ZYG11A: variants seen among roughly 807,000 people sequenced by gnomAD.
ZYG11A encodes the protein zyg-11 family member A, cell cycle regulator, also known as protein zyg-11 homolog A.
A neutral mutation model predicts 77.2 loss-of-function variants in ZYG11A; 62 were observed. The ratio of observed to expected loss-of-function variants is 0.80; its 90% CI spans 0.65 to 0.99. The LOEUF (loss-of-function observed/expected upper bound fraction) is 0.99, where lower values mean the gene tolerates loss of function less well. Among genes scored for constraint, ZYG11A ranks in the 50% least tolerant of loss-of-function variants. The pLI, the probability that ZYG11A is intolerant of heterozygous loss-of-function variation, is 0.00. For synonymous variants in ZYG11A, 315 were observed against 324.6 expected, an observed-to-expected ratio of 0.97 and a Z score of 0.32; for missense variants, 828 against 896.8, an observed-to-expected ratio of 0.92 and a Z score of 0.98.
chr1:52,859,741 G>T (rs1645891109), intron 3 of ZYG11A, among the ~76,000 whole-genome samples: 1 of 118,218 alleles, frequency 8.5e-6, no homozygotes. Flanking sequence ...GCAGTGGTGT[G>T]ATCTCGGCTC....
intron 1 of ZYG11A, among the ~76,000 whole-genome samples, chr1:52,849,920 G>A (rs1383353955): frequency 2.0e-5 from 3 of 151,952 alleles, no homozygotes; most frequent in East Asian, 1.9e-4. Context: ...TGCCGACCTC[G>A]TGATCCGCCC....
intron 1 of ZYG11A, among the ~76,000 whole-genome samples, chr1:52,845,151 C>T (rs1342073765): frequency 1.3e-5 from 2 of 152,034 alleles, no homozygotes; most frequent in African/African-American, 2.4e-5. Flanking sequence ...AAATGTCCAT[C>T]TTGATCTCTA....
chr1:52,857,470 G>A lies in ZYG11A; in HGVS notation c.729G>A (p.Met243Ile), dbSNP rs1645835915. 2 of 1,552,060 alleles carry A rather than the reference G, an allele frequency of 1.3e-6. No homozygotes were observed. The highest frequency in any genetic ancestry group is 1.7e-6 in the Non-Finnish European group (2 of 1,147,116). ...LTMHYLKCLA[M>I]TKSQILAVIR... ...TGCACTATCTGAAATGCCTGGCCAT[G>A]ACCAAATCACAAATTCTTGCAGTCA... The change falls in exon 3 of 14, where the codon ATG (methionine) becomes ATA (isoleucine). Residue 243 changes from methionine to isoleucine, a missense_variant. By Grantham distance (10) the Met-to-Ile change is conservative. Transcript: ENST00000371528.
chr1:52,843,591 A>G (rs1008440406), intron 1 of ZYG11A, among the ~76,000 whole-genome samples: 1 of 152,062 alleles, frequency 6.6e-6, no homozygotes, highest in African/African-American at 2.4e-5. Context: ...GCCTTTGCCG[A>G]ATGCCTGTTA....
chr1:52,860,982 C>A, intron 4 of ZYG11A, 111 bp downstream of exon 4: 1 of 1,066,934 alleles, frequency 9.4e-7, no homozygotes, highest in Non-Finnish European at 1.3e-6. Flanking sequence ...TATAGTGAGT[C>A]AAGTGCTCTC....
Position 52,842,764 on chromosome 1 carries a change from G to T in ZYG11A, c.-120G>T. The T allele has an allele frequency of 2.1e-6, 2 of 958,596 alleles. No individual in the cohort carries two copies. The highest frequency in any genetic ancestry group is 3.1e-6 in the Non-Finnish European group (2 of 652,060). 59.4% of individuals were successfully genotyped at this position (958,596 alleles called of 1,614,324 possible). A position where few individuals can be genotyped will look rare whatever the true frequency, so the allele number is the denominator to read the frequency against. On this transcript the variant is annotated 5_prime_UTR_variant, in exon 1 of 14. Transcript: ENST00000371528. ...AGCTCGCCGGCAGGGCGCGGCGCTA[G>T]CTCCGTGTGCCTCGCAGGCGTGGTG...
chr1:52,860,821 C>T lies in ZYG11A; in HGVS notation c.1099C>T (p.Leu367=). 1 of 1,551,624 alleles carries T rather than the reference C, an allele frequency of 6.4e-7. No individual in the cohort carries two copies. The highest frequency in any genetic ancestry group is 8.7e-7 in the Non-Finnish European group (1 of 1,146,928). Residue 367 remains leucine (L), a synonymous_variant, in exon 4 of 14, where the codon CTG becomes TTG. Coordinates refer to ENST00000371528, the MANE Select transcript of ZYG11A (RefSeq NM_001004339.3). ...SCFVKEALHR[L]FTETFSMEVT... is the part of the protein sequence containing the mutation. ...TTTTGTGAAGGAAGCCCTCCACAGG[C>T]TGTTCACAGAGACATTTTCAATGGA...
chr1:52,848,043 G>C (rs573416458), intron 1 of ZYG11A, among the ~76,000 whole-genome samples: 52 of 152,098 alleles, frequency 3.4e-4, no homozygotes, highest in African/African-American at 1.3e-3. Context: ...CTAATTTTTT[G>C]TATTTTTAGT....
At chr1:52,884,656 A>C (rs1350199462) in intron 11 of ZYG11A, among the ~76,000 whole-genome samples, 1 of 152,148 alleles carries the variant, frequency 6.6e-6, no homozygotes, top group East Asian at 1.9e-4. Flanking sequence ...ATTCATATTC[A>C]GAAAAAAAAA....
chr1:52,876,995 C>CTCTTCAAGATGTGAGG (rs1321480746), intron 8 of ZYG11A, among the ~76,000 whole-genome samples: 1 of 152,120 alleles, frequency 6.6e-6, no homozygotes, highest in East Asian at 1.9e-4. Flanking sequence ...AACCAGTGGC[C>CTCTTCAAGATGTGAGG]TCTTCAAGAT....
chr1:52,881,352 G>T, intron 10 of ZYG11A, 119 bp from the exon 11 acceptor site: 1 of 661,078 alleles, frequency 1.5e-6, no homozygotes, highest in East Asian at 2.8e-5. Flanking sequence ...GCGGAGGCGG[G>T]TATAAGAATA....
rs1031498615 is a variant in ZYG11A at position 52,857,669 on chromosome 1, C to T, written c.928C>T (p.Arg310Trp). Reference protein sequence around the residue: ...DEAVELFIRLRPAMQFVGLLA... With the variant: ...DEAVELFIRLWPAMQFVGLLA... The stretch of plus-strand genomic sequence containing the variant: ...AGCTGTAGAACTGTTTATACGACTG[C>T]GGCCTGCCATGCAATTTGTGGGACT... Residue 310 changes from arginine to tryptophan, a missense_variant, in exon 3 of 14, where the codon CGG becomes TGG. Arg to Trp is a moderately radical substitution (Grantham distance 101). Coordinates refer to ENST00000371528, the MANE Select transcript of ZYG11A (RefSeq NM_001004339.3). 65 of 1,552,014 alleles carry T rather than the reference C, an allele frequency of 4.2e-5. 1 individual carries two copies. The highest frequency in any genetic ancestry group is 4.1e-5 in the African/African-American group (3 of 73,052).
intron 6 of ZYG11A, 71 bp from the exon 7 acceptor site, chr1:52,867,468 C>A: frequency 9.8e-7 from 1 of 1,022,386 alleles, no homozygotes; most frequent in South Asian, 1.4e-5. Context: ...TGGGGAATGC[C>A]AAATGATTTC....
intron 13 of ZYG11A, among the ~76,000 whole-genome samples, chr1:52,892,195 A>G (rs1646556127): frequency 1.4e-4 from 1 of 7,352 alleles, no homozygotes; most frequent in South Asian, 0.013. Context: ...CACTGCGCCC[A>G]GCCACATCTG....
At chr1:52,874,049 T>C (rs1646217899) in intron 8 of ZYG11A, among the ~76,000 whole-genome samples, 1 of 152,080 alleles carries the variant, frequency 6.6e-6, no homozygotes, top group African/African-American at 2.4e-5. Flanking sequence ...GAAGGGTCAA[T>C]TGATGGGGCA....
chr1:52,877,640 C>A (rs1247349192), intron 8 of ZYG11A, 42 bp from the exon 9 acceptor site: 10 of 1,502,472 alleles, frequency 6.7e-6, no homozygotes, highest in Admixed American at 2.3e-5. Flanking sequence ...ATTGATTATT[C>A]ATTAGAGCAT....
At chr1:52,852,127 G>A (rs1645725089) in intron 1 of ZYG11A, among the ~76,000 whole-genome samples, 1 of 151,654 alleles carries the variant, frequency 6.6e-6, no homozygotes, top group Non-Finnish European at 1.5e-5. Context: ...TGTTGGCCAG[G>A]CTGGTCTTGA....
intron 1 of ZYG11A, among the ~76,000 whole-genome samples, chr1:52,846,629 G>A (rs1388249561): frequency 1.3e-5 from 2 of 151,696 alleles, no homozygotes; most frequent in African/African-American, 2.4e-5. Flanking sequence ...GCAAGCCATC[G>A]CGCCCGGCCA....
At chr1:52,886,037 A>G in intron 12 of ZYG11A, 143 bp downstream of exon 12, 1 of 563,410 alleles carries the variant, frequency 1.8e-6, no homozygotes, top group Non-Finnish European at 3.0e-6. Flanking sequence ...GGTTCACGCC[A>G]TTCTCCTGCC....
Sources: gnomAD v4.1 joint callset for allele counts (sites outside exome capture counted in the v4.1 genomes callset) on GRCh38, gnomAD v4.1.1 for gene constraint, MANE v1.5 for transcripts, NCBI Gene and HGNC (gene_info 2026-07-23, HGNC 2026-07-21) for gene names.